CNOT2: variants seen among roughly 807,000 people sequenced by gnomAD.
CNOT2 encodes the protein CCR4-NOT transcription complex subunit 2.
CNOT2 carries 7 observed loss-of-function variants against 72.1 expected under a neutral mutation model. The observed-to-expected ratio is 0.10, with a 90% CI of 0.06 to 0.18. CNOT2 has a LOEUF of 0.18. Ranked by LOEUF, CNOT2 falls within the 10% of genes least tolerant of loss-of-function variation. The pLI is 1.00. For synonymous variants in CNOT2, 196 were observed against 225.6 expected (o/e 0.87, Z 1.17); for missense variants, 345 against 660.3 (o/e 0.52, Z 5.23).
intron 1 of CNOT2, among the ~76,000 whole-genome samples, chr12:70,260,443 AT>A (rs1384639628): frequency 6.6e-6 from 1 of 152,032 alleles, no homozygotes; most frequent in African/African-American, 2.4e-5. Flanking sequence ...GTTCATTGTT[AT>A]TGTATAGAAA....
intron 1 of CNOT2, chr12:70,244,039 TTC>T (rs1158132456): frequency 1.3e-5 from 2 of 152,330 alleles, no homozygotes; most frequent in Admixed American, 6.5e-5. Flanking sequence ...TTATGTGTAT[TTC>T]TGTTAGTGTG....
intron 4 of CNOT2, among the ~76,000 whole-genome samples, chr12:70,329,186 A>T (rs894072212): frequency 6.6e-6 from 1 of 152,018 alleles, no homozygotes; most frequent in Non-Finnish European, 1.5e-5. Flanking sequence ...TCATAATGAA[A>T]TTGAAATATG....
chr12:70,258,716 G>A (rs1958579480), intron 1 of CNOT2, among the ~76,000 whole-genome samples: 1 of 152,222 alleles, frequency 6.6e-6, no homozygotes, highest in Admixed American at 6.5e-5. Flanking sequence ...GTGTGTATGA[G>A]GTGCAGATTT....
At chr12:70,254,258 A>G (rs1488416396) in intron 1 of CNOT2, among the ~76,000 whole-genome samples, 2 of 151,762 alleles carry the variant, frequency 1.3e-5, no homozygotes, top group Non-Finnish European at 2.9e-5. Context: ...AAAAAAGAAC[A>G]ATTATATAAT....
At chr12:70,328,349 A>G (rs1027357727) in intron 4 of CNOT2, among the ~76,000 whole-genome samples, 3 of 151,934 alleles carry the variant, frequency 2.0e-5, no homozygotes, top group African/African-American at 7.2e-5. Context: ...GAAGTCATCT[A>G]CTTACTGATT....
chr12:70,337,703 G>T, intron 9 of CNOT2, 190 bp downstream of exon 9: 1 of 655,432 alleles, frequency 1.5e-6, no homozygotes, highest in Non-Finnish European at 2.7e-6. Context: ...ATTTCATATA[G>T]GTTTGCAAAT....
chr12:70,336,561 T>G (rs142180860), intron 8 of CNOT2: 1 of 151,944 alleles, frequency 6.6e-6, no homozygotes, highest in Non-Finnish European at 1.5e-5. Flanking sequence ...CATTCAGATA[T>G]GAATACAAAT....
At chr12:70,260,000 T>C (rs1008630073) in intron 1 of CNOT2, among the ~76,000 whole-genome samples, 1 of 152,250 alleles carries the variant, frequency 6.6e-6, no homozygotes, top group African/African-American at 2.4e-5. Context: ...ATTTCTGGAC[T>C]CTCAATTCTG....
chr12:70,289,864 G>A (rs1033623967), intron 2 of CNOT2, among the ~76,000 whole-genome samples: 4 of 151,224 alleles, frequency 2.6e-5, no homozygotes, highest in African/African-American at 9.7e-5. Flanking sequence ...TTCTCTTTTA[G>A]GGCTTCTTTG....
chr12:70,339,347 T>C (rs1278821475), intron 11 of CNOT2, among the ~76,000 whole-genome samples: 1 of 152,056 alleles, frequency 6.6e-6, no homozygotes, highest in Non-Finnish European at 1.5e-5. Context: ...ATTGGGACCT[T>C]CAATCTATTG....
At chr12:70,287,287 T>C (rs1871074016) in intron 2 of CNOT2, among the ~76,000 whole-genome samples, 1 of 149,718 alleles carries the variant, frequency 6.7e-6, no homozygotes, top group Admixed American at 6.8e-5. Context: ...TTGGTCAGAC[T>C]TACTAGTGAT....
At chr12:70,255,261 C>G (rs182041688) in intron 1 of CNOT2, among the ~76,000 whole-genome samples, 3 of 152,030 alleles carry the variant, frequency 2.0e-5, no homozygotes, top group Non-Finnish European at 4.4e-5. Flanking sequence ...TGTGTCCTTT[C>G]TCTTTATCAT....
rs571050784 is a variant in CNOT2 at position 70,307,496 on chromosome 12, C to T, written c.49-3399C>T. 1.1e-4 allele frequency among the ~76,000 whole-genome samples: 16 copies of T among 152,128 alleles called. No individual in the cohort carries two copies. The East Asian group carries it at 1.9e-3, about 18-fold the overall frequency. On this transcript the variant is annotated intron_variant, in intron 2 of 15. Coordinates refer to ENST00000229195, the MANE Select transcript of CNOT2 (RefSeq NM_014515.7). Reference sequence around the variant, plus strand: ...ATTTTTCAGCTTGTTTATAATCTTACGGGACCACCGTTGTATATATGGTCC... The same window carrying T: ...ATTTTTCAGCTTGTTTATAATCTTATGGGACCACCGTTGTATATATGGTCC...
intron 11 of CNOT2, among the ~76,000 whole-genome samples, chr12:70,341,467 T>A (rs1001776243): frequency 4.6e-5 from 7 of 152,168 alleles, no homozygotes; most frequent in Non-Finnish European, 8.8e-5. Context: ...CCCTATTTAA[T>A]AATTATGCAT....
intron 4 of CNOT2, among the ~76,000 whole-genome samples, chr12:70,320,958 C>T (rs1040723092): frequency 1.3e-5 from 2 of 151,726 alleles, no homozygotes; most frequent in Non-Finnish European, 2.9e-5. Flanking sequence ...GCAGTTATAT[C>T]ATTGGTATGA....
chr12:70,283,647 TAAAAA>T (rs34501610), intron 2 of CNOT2, among the ~76,000 whole-genome samples: 6 of 122,908 alleles, frequency 4.9e-5, no homozygotes, highest in African/African-American at 1.9e-4. Flanking sequence ...AGAATGAGTT[TAAAAA>T]AAAAAAAAAA....
intron 2 of CNOT2, chr12:70,290,750 C>A (rs1871754718): frequency 6.6e-6 from 1 of 151,884 alleles, no homozygotes; most frequent in African/African-American, 2.4e-5. Context: ...CTATGTTGCC[C>A]AGGCTTGTCA....
At chr12:70,264,721 G>A (rs773980684) in intron 1 of CNOT2, among the ~76,000 whole-genome samples, 1 of 152,140 alleles carries the variant, frequency 6.6e-6, no homozygotes, top group African/African-American at 2.4e-5. Context: ...GCCCTGTCTT[G>A]ACCCCATCTG....
chr12:70,320,232 T>C (rs1878065293), intron 4 of CNOT2, among the ~76,000 whole-genome samples: 1 of 151,698 alleles, frequency 6.6e-6, no homozygotes, highest in African/African-American at 2.4e-5. Context: ...CTGATGACTA[T>C]CCTAACCAGT....
Sources: gnomAD v4.1 joint callset for allele counts (sites outside exome capture counted in the v4.1 genomes callset) on GRCh38, gnomAD v4.1.1 for gene constraint, MANE v1.5 for transcripts, NCBI Gene and HGNC (gene_info 2026-07-23, HGNC 2026-07-21) for gene names.